Variants in SLC24A2 observed in about 807,000 individuals in gnomAD.
SLC24A2 encodes the protein solute carrier family 24 member 2.
Under a neutral mutation model 62.0 loss-of-function variants are expected in SLC24A2, and 36 were observed. The ratio of observed to expected loss-of-function variants is 0.58; its 90% confidence interval spans 0.44 to 0.77. The LOEUF (loss-of-function observed/expected upper bound fraction) is 0.77, where lower values mean the gene tolerates loss of function less well. Ranked by LOEUF, SLC24A2 falls within the 30% of genes least tolerant of loss-of-function variation. SLC24A2 has a pLI of 0.00. For synonymous variants in SLC24A2, 358 were observed against 294.0 expected (o/e 1.22, Z -2.23); for missense variants, 846 against 817.9 (o/e 1.03, Z -0.42).
At chr9:19,937,101 G>A in the SLC24A2 span, among the ~76,000 whole-genome samples, 5 of 152,096 alleles carry the variant, frequency 3.3e-5, no homozygotes, top group East Asian at 1.9e-4. Flanking sequence ...AACACATACC[G>A]CATTGATTCA....
At chr9:20,031,715 C>G in the SLC24A2 span, among the ~76,000 whole-genome samples, 1 of 152,042 alleles carries the variant, frequency 6.6e-6, no homozygotes, top group African/African-American at 2.4e-5. Context: ...ATTCCCAGGT[C>G]CCCAGGGATA....
At chr9:19,551,679 C>G (rs1457800768) in intron 7 of SLC24A2, among the ~76,000 whole-genome samples, 9 of 152,172 alleles carry the variant, frequency 5.9e-5, no homozygotes, top group Non-Finnish European at 1.2e-4. Context: ...AACAGCGCCC[C>G]CCTCCAGCAC....
At chr9:19,651,558 A>C (rs1162697259) in intron 2 of SLC24A2, among the ~76,000 whole-genome samples, 1 of 124,750 alleles carries the variant, frequency 8.0e-6, no homozygotes, top group African/African-American at 2.7e-5. Flanking sequence ...CCCCACGCCC[A>C]CCATCATCAA....
chr9:19,607,633 C>T (rs942483134), intron 4 of SLC24A2, among the ~76,000 whole-genome samples: 2 of 149,680 alleles, frequency 1.3e-5, no homozygotes, highest in Non-Finnish European at 3.0e-5. Context: ...GCAGGAGACT[C>T]GCTTGAACCC....
In SLC24A2 at chr9:19,507,742, A is replaced by T. The variant is rs1247259337; in HGVS notation, c.*8411T>A. 6.6e-6 allele frequency: 1 copy of T among 152,216 alleles called. No homozygotes were observed. The highest frequency in any genetic ancestry group is 1.5e-5 in the Non-Finnish European group (1 of 68,032). 9.4% of individuals were successfully genotyped at this position (152,216 alleles called of 1,614,324 possible). ...TCATCATCCAGTGAAAATTACGCATAATAAACACAACACATACAAAATGAC... is the reference window on the plus strand; with the variant it reads ...TCATCATCCAGTGAAAATTACGCATTATAAACACAACACATACAAAATGAC... On this transcript the variant is annotated 3_prime_UTR_variant, in exon 11 of 11. Coordinates refer to ENST00000341998, the MANE Select transcript of SLC24A2 (RefSeq NM_020344.4).
chr9:20,086,895 A>G, the SLC24A2 span, among the ~76,000 whole-genome samples: 1 of 152,192 alleles, frequency 6.6e-6, no homozygotes, highest in East Asian at 1.9e-4. Context: ...CCACACTTAC[A>G]AGAGGTTATT....
chr9:19,714,835 T>G (rs1456802079), intron 2 of SLC24A2, among the ~76,000 whole-genome samples: 1 of 152,144 alleles, frequency 6.6e-6, no homozygotes, highest in Admixed American at 6.6e-5. Context: ...ACTATAGTCT[T>G]TATGTCGTAC....
chr9:19,513,466 G>A lies in SLC24A2; in HGVS notation c.*2687C>T, dbSNP rs1291054750. Reference sequence around the variant, plus strand: ...GCAGTGCTGTTGTAGGTCAGGCTCAGTGCACATGACTGATGTGGGAACGGG... The same window carrying A: ...GCAGTGCTGTTGTAGGTCAGGCTCAATGCACATGACTGATGTGGGAACGGG... On this transcript the variant is annotated 3_prime_UTR_variant, in exon 11 of 11. Transcript: ENST00000341998. The A allele has an allele frequency of 6.6e-6, 1 of 152,086 alleles. No individual in the cohort carries two copies. Among genetic ancestry groups the A allele is most frequent in the Non-Finnish European group, 1.5e-5 (1 of 68,044 alleles). 9.4% of individuals were successfully genotyped at this position (152,086 alleles called of 1,614,324 possible).
At chr9:19,822,231 G>C in the SLC24A2 span, among the ~76,000 whole-genome samples, 390 of 152,262 alleles carry the variant, frequency 2.6e-3, 4 homozygotes, top group African/African-American at 8.4e-3. Flanking sequence ...TTTTGTAGAA[G>C]TACAAGAACT....
intron 5 of SLC24A2, among the ~76,000 whole-genome samples, chr9:19,591,474 T>G (rs1002826043): frequency 3.9e-5 from 6 of 152,222 alleles, no homozygotes; most frequent in Admixed American, 3.9e-4. Flanking sequence ...TTTAACAAAC[T>G]ACATTTCCAA....
chr9:19,560,914 TATAGAG>T (rs768246813), intron 7 of SLC24A2, among the ~76,000 whole-genome samples: 9,277 of 106,046 alleles, frequency 0.087, 307 homozygotes, highest in South Asian at 0.13. Context: ...TATATATATA[TATAGAG>T]AGAGAGAGAG....
At position 19,509,405 on chromosome 9, in the gene SLC24A2, A is replaced by G. The variant is rs773146178; in HGVS notation, c.*6748T>C. ...TAAAAAATAGAACAGATAAACTCCA[A>G]TTTACAATAAACAATACAAAACAGG... On this transcript the variant is annotated 3_prime_UTR_variant, in exon 11 of 11. Transcript: ENST00000341998. 4 of 152,200 alleles carry G rather than the reference A, an allele frequency of 2.6e-5. No individual in the cohort carries two copies. The highest frequency in any genetic ancestry group is 6.5e-5 in the Admixed American group (1 of 15,274). The allele number at this position is 152,200 out of a possible 1,614,324, so 9.4% of individuals were successfully genotyped here.
chr9:19,744,484 G>A (rs1323526960), intron 2 of SLC24A2, among the ~76,000 whole-genome samples: 3 of 152,098 alleles, frequency 2.0e-5, no homozygotes, highest in Non-Finnish European at 4.4e-5. Context: ...TAGAGGACTG[G>A]TGAGTCATCA....
At chr9:20,193,040 T>C in the SLC24A2 span, among the ~76,000 whole-genome samples, 1 of 152,186 alleles carries the variant, frequency 6.6e-6, no homozygotes, top group African/African-American at 2.4e-5. Flanking sequence ...TGACATTTGA[T>C]TATCATAAGA....
chr9:20,238,545 A>T, the SLC24A2 span, among the ~76,000 whole-genome samples: 3 of 152,190 alleles, frequency 2.0e-5, no homozygotes, highest in African/African-American at 7.2e-5. Context: ...AAAATACAGC[A>T]ATCAATGCTT....
the SLC24A2 span, among the ~76,000 whole-genome samples, chr9:20,258,831 ATC>A: frequency 1.5e-5 from 2 of 131,932 alleles, no homozygotes; most frequent in Non-Finnish European, 3.2e-5. Flanking sequence ...CTATCTATCT[ATC>A]TGTCTATCTA....
the SLC24A2 span, among the ~76,000 whole-genome samples, chr9:20,250,821 T>A: frequency 2.0e-5 from 3 of 152,336 alleles, no homozygotes; most frequent in Admixed American, 2.0e-4. Context: ...AATGACTATA[T>A]GGGTCACATA....
chr9:19,819,172 A>T, the SLC24A2 span, among the ~76,000 whole-genome samples: 1 of 152,126 alleles, frequency 6.6e-6, no homozygotes, highest in Non-Finnish European at 1.5e-5. Flanking sequence ...CTAGATCCTC[A>T]TCTCTCACCT....
chr9:19,681,256 T>C (rs1247578021), intron 2 of SLC24A2, among the ~76,000 whole-genome samples: 1 of 152,106 alleles, frequency 6.6e-6, no homozygotes, highest in Non-Finnish European at 1.5e-5. Context: ...GCTATCCACA[T>C]AGATCTCTGT....
Sources: gnomAD v4.1 joint callset for allele counts (sites outside exome capture counted in the v4.1 genomes callset) on GRCh38, gnomAD v4.1.1 for gene constraint, MANE v1.5 for transcripts, NCBI Gene and HGNC (gene_info 2026-07-23, HGNC 2026-07-21) for gene names.